SEC22C: variants seen among roughly 807,000 people sequenced by gnomAD.
SEC22C encodes SEC22 homolog C, vesicle trafficking protein.
A neutral mutation model predicts 34.7 loss-of-function variants in SEC22C; 29 were observed. That is an observed-to-expected ratio of 0.84 (90% CI 0.62 to 1.14). The LOEUF (loss-of-function observed/expected upper bound fraction) is 1.14, where lower values mean the gene tolerates loss of function less well. Among genes scored for constraint, SEC22C ranks in the 50% most tolerant of loss-of-function variants. The pLI, the probability that SEC22C is intolerant of heterozygous loss-of-function variation, is 0.00. For synonymous variants in SEC22C, 117 were observed against 132.8 expected (o/e 0.88, Z 0.82); for missense variants, 337 against 369.0 (o/e 0.91, Z 0.71).
Position 42,555,810 on chromosome 3 carries a change from T to C in SEC22C, c.711+120A>G, listed in dbSNP as rs560001557. 40 of 801,292 alleles carry C rather than the reference T, an allele frequency of 5.0e-5. No homozygotes were observed. The African/African-American group carries it at 6.6e-4, about 13-fold the overall frequency. 49.6% of individuals were successfully genotyped at this position (801,292 alleles called of 1,614,324 possible). The stretch of plus-strand genomic sequence containing the variant: ...TCCACTAAGGGCTTGGTATTGTCCA[T>C]GATGTGAACCATGACCTTGGTGGAA... On this transcript the variant is annotated intron_variant, in intron 6 of 6. Transcript: ENST00000264454.
At position 42,580,267 on chromosome 3, in the gene SEC22C, G is replaced by A. The variant is rs538308331; in HGVS notation, c.-28+1579C>T. ...AGACAGAAAGAAAGAGAAAAACAGAGAGAAAGAGAGAGATGACTGCACCTT... is the reference window on the plus strand; with the variant it reads ...AGACAGAAAGAAAGAGAAAAACAGAAAGAAAGAGAGAGATGACTGCACCTT... On this transcript the variant is annotated intron_variant, in intron 1 of 6. Coordinates refer to ENST00000264454, the MANE Select transcript of SEC22C (RefSeq NM_032970.4). Among the ~76,000 whole-genome samples the A allele has an allele frequency of 2.0e-5, 3 of 152,354 alleles. No homozygotes were observed. The East Asian group carries it at 5.8e-4, about 29-fold the overall frequency.
At chr3:42,553,801 C>T (rs1011700229) in intron 6 of SEC22C, among the ~76,000 whole-genome samples, 1 of 152,186 alleles carries the variant, frequency 6.6e-6, no homozygotes, top group African/African-American at 2.4e-5. Flanking sequence ...GGGACCCTAA[C>T]GTGACTGACT....
At chr3:42,594,646 T>A in intron 1 of SEC22C, 1 of 653,162 alleles carries the variant, frequency 1.5e-6, no homozygotes, top group Non-Finnish European at 2.6e-6. Flanking sequence ...CTGTGGCTCT[T>A]TCGAAACGTG....
upstream of SEC22C, among the ~76,000 whole-genome samples, chr3:42,585,313 A>C (rs1360623018): frequency 6.6e-6 from 1 of 152,190 alleles, no homozygotes; most frequent in East Asian, 1.9e-4. Context: ...CCTAGCTCTC[A>C]TCTCCAATCA....
At chr3:42,554,427 C>T (rs1577290615) in intron 6 of SEC22C, among the ~76,000 whole-genome samples, 1 of 152,314 alleles carries the variant, frequency 6.6e-6, no homozygotes, top group South Asian at 2.1e-4. Context: ...TCACCGCAAC[C>T]TCCACCTCCA....
Position 42,561,279 on chromosome 3 carries a change from C to T in SEC22C, c.364G>A (p.Val122Met). The T allele has an allele frequency of 6.2e-7, 1 of 1,614,242 alleles. No homozygotes were observed. The highest frequency in any genetic ancestry group is 1.6e-4 in the Middle Eastern group (1 of 6,062). The change falls in exon 4 of 7, where the codon GTG (valine) becomes ATG (methionine). Residue 122 changes from valine (V) to methionine (M), a missense_variant. Physicochemically the swap from Val to Met is conservative, Grantham distance 21. Coordinates refer to ENST00000264454, the MANE Select transcript of SEC22C (RefSeq NM_032970.4). Reference protein sequence around the residue: ...FLEFDSIIQKVKWHFNYVSSS... With the variant: ...FLEFDSIIQKMKWHFNYVSSS... ...CTTACATAGTTAAAATGCCACTTCACTTTCTGAATGATGCTGTCTGCAAAA... is the reference window on the plus strand; with the variant it reads ...CTTACATAGTTAAAATGCCACTTCATTTTCTGAATGATGCTGTCTGCAAAA...
In SEC22C at chr3:42,557,553, G is replaced by GTT. The variant is rs377509277; in HGVS notation, c.645+23_645+24dup. On this transcript the variant is annotated intron_variant, in intron 5 of 6. Transcript: ENST00000264454. ...TATCATATGTCCTTCAATTTAAACT[G>GTT]TTTTAAAAAAAAAAAAAAGGTTACC... The GTT allele has an allele frequency of 4.6e-3, 5,018 of 1,100,208 alleles. 146 individuals carry two copies. The African/African-American group carries it at 0.072, about 16-fold the overall frequency. The allele number at this position is 1,100,208 out of a possible 1,614,324, so 68.2% of individuals were successfully genotyped here.
upstream of SEC22C, among the ~76,000 whole-genome samples, chr3:42,584,178 C>T (rs375401926): frequency 1.3e-4 from 20 of 152,280 alleles, no homozygotes; most frequent in South Asian, 3.9e-3. Flanking sequence ...TTCTCTCTCT[C>T]TGGAGAACCT....
At chr3:42,566,639 A>C (rs1201014494) in intron 2 of SEC22C, 1 of 164,118 alleles carries the variant, frequency 6.1e-6, no homozygotes, top group Middle Eastern at 2.8e-3. Context: ...AGATCGTGCC[A>C]CTGCACTCCA....
intron 2 of SEC22C, chr3:42,565,913 C>A (rs760160417): frequency 6.6e-6 from 3 of 454,682 alleles, no homozygotes; most frequent in South Asian, 3.1e-5. Context: ...ATTTCCTCTG[C>A]GAAAATAATG....
chr3:42,590,971 G>A (rs1296861005), intron 1 of SEC22C: 5 of 409,294 alleles, frequency 1.2e-5, no homozygotes, highest in African/African-American at 7.6e-5. Flanking sequence ...CAGCGGGTGA[G>A]CATCCACGCG....
chr3:42,568,759 A>G, intron 2 of SEC22C, 106 bp downstream of exon 2: 1 of 908,556 alleles, frequency 1.1e-6, no homozygotes, highest in South Asian at 1.7e-5. Context: ...CTGATGCTAG[A>G]TCTACTTTTA....
upstream of SEC22C, among the ~76,000 whole-genome samples, chr3:42,582,816 C>G (rs1352952115): frequency 6.6e-6 from 1 of 152,108 alleles, no homozygotes; most frequent in Non-Finnish European, 1.5e-5. Context: ...TATAAGAACT[C>G]TGTGGAAGGC....
chr3:42,565,773 T>C (rs533904826), intron 2 of SEC22C: 1 of 418,326 alleles, frequency 2.4e-6, no homozygotes. Context: ...GGCCCTGCGA[T>C]ACCTGTGAGA....
chr3:42,596,796 A>C (rs776931834), intron 1 of SEC22C, among the ~76,000 whole-genome samples: 5 of 152,216 alleles, frequency 3.3e-5, no homozygotes, highest in Non-Finnish European at 7.3e-5. Context: ...CTTCAGAGAG[A>C]TCAAAGTGAT....
intron 6 of SEC22C, among the ~76,000 whole-genome samples, chr3:42,554,471 A>C (rs897028420): frequency 3.3e-5 from 5 of 152,118 alleles, no homozygotes; most frequent in African/African-American, 7.2e-5. Context: ...AAGCCTCCCA[A>C]GTAGCTGGGA....
At chr3:42,590,704 C>T in intron 1 of SEC22C, 2 of 649,384 alleles carry the variant, frequency 3.1e-6, no homozygotes, top group African/African-American at 1.8e-5. Flanking sequence ...GCAAAGGATA[C>T]GAAAACGCCC....
intron 5 of SEC22C, 102 bp from the exon 6 acceptor site, chr3:42,556,097 G>A (rs1702511509): frequency 1.2e-6 from 1 of 845,806 alleles, no homozygotes; most frequent in African/African-American, 1.7e-5. Flanking sequence ...ATGGTTGACA[G>A]TACAAAATCC....
In SEC22C at chr3:42,590,772, G is replaced by A. The variant is rs1704795121; in HGVS notation, c.-28+10188C>T. The stretch of plus-strand genomic sequence containing the variant: ...GCTGAGTATAGCTCTTGCGCGTCCA[G>A]TCACAAATGACGTCCCTTCTGTACC... On this transcript the variant is annotated intron_variant, in intron 1 of 6. Coordinates refer to the SEC22C transcript ENST00000417572. 11 of 986,808 alleles carry A rather than the reference G, an allele frequency of 1.1e-5. 1 individual carries two copies. The South Asian group carries it at 1.1e-4, about 10-fold the overall frequency. The allele number at this position is 986,808 out of a possible 1,614,324, so 61.1% of individuals were successfully genotyped here.
Sources: allele counts gnomAD v4.1 joint callset (sites outside exome capture counted in the v4.1 genomes callset), GRCh38; gene constraint gnomAD v4.1.1; transcripts MANE v1.5; gene names NCBI Gene and HGNC (gene_info 2026-07-23, HGNC 2026-07-21).